Variants in BPIFA1 observed in about 807,000 individuals in gnomAD.
The protein encoded by BPIFA1 is BPI fold containing family A member 1.
A neutral mutation model predicts 25.1 loss-of-function variants in BPIFA1; 24 were observed. The observed-to-expected ratio is 0.96, with a 90% CI of 0.69 to 1.35. BPIFA1 has a LOEUF of 1.35. BPIFA1 is among the 40% of genes most tolerant of loss of function. The probability of loss-of-function intolerance (pLI) is 0.00; values close to 1 mark genes in which losing one functional copy is unlikely to be tolerated. For synonymous variants in BPIFA1, 139 were observed against 131.8 expected, an observed-to-expected ratio of 1.05 and a Z score of -0.37; for missense variants, 344 against 303.7, an observed-to-expected ratio of 1.13 and a Z score of -0.99.
chr20:33,239,070 C>T (rs1298087686), intron 3 of BPIFA1, among the ~76,000 whole-genome samples: 1 of 152,180 alleles, frequency 6.6e-6, no homozygotes, highest in African/African-American at 2.4e-5. Flanking sequence ...TCACCTGGCG[C>T]AGTGGCTGGC....
intron 5 of BPIFA1, among the ~76,000 whole-genome samples, chr20:33,240,710 T>C (rs1288888641): frequency 6.6e-6 from 1 of 152,034 alleles, no homozygotes; most frequent in Non-Finnish European, 1.5e-5. Context: ...TATTCCTTCT[T>C]AGACCAAGCT....
intron 3 of BPIFA1, among the ~76,000 whole-genome samples, chr20:33,238,585 C>G (rs368448314): frequency 2.1e-4 from 32 of 152,314 alleles, no homozygotes; most frequent in African/African-American, 6.5e-4. Flanking sequence ...TATCCTAACT[C>G]CAAAGCCAAG....
intron 3 of BPIFA1, among the ~76,000 whole-genome samples, chr20:33,239,251 C>T (rs1221077729): frequency 6.6e-6 from 1 of 152,190 alleles, no homozygotes; most frequent in Non-Finnish European, 1.5e-5. Flanking sequence ...ACTTCCTGCT[C>T]CTCAATTCCC....
chr20:33,237,707 C>A lies in BPIFA1; in HGVS notation c.-5C>A. 6.9e-7 allele frequency: 1 copy of A among 1,459,578 alleles called. No individual in the cohort carries two copies. Among genetic ancestry groups the A allele is most frequent in the Non-Finnish European group, 9.1e-7 (1 of 1,102,580 alleles). 90.4% of individuals were successfully genotyped at this position (1,459,578 alleles called of 1,614,324 possible). A position where few individuals can be genotyped will look rare whatever the true frequency, so the allele number is the denominator to read the frequency against. On this transcript the variant is annotated 5_prime_UTR_variant, in exon 2 of 9. Transcript: ENST00000354297. The stretch of plus-strand genomic sequence containing the variant: ...TCATTCTGGCCACAGATACTAAGAG[C>A]AAAGATGTTTCAAACTGGGGGCCTC...
In BPIFA1 at chr20:33,241,458, G is replaced by T; in HGVS notation, c.655G>T (p.Val219Phe). The T allele has an allele frequency of 6.2e-7, 1 of 1,613,550 alleles. No homozygotes were observed. The highest frequency in any genetic ancestry group is 8.5e-7 in the Non-Finnish European group (1 of 1,179,460). ...CTTGAATAAAGTCCTGCCTGAGTTG[G>T]TTCAGGGCAACGTAAGTAGGCAAGG... is the stretch of plus-strand genomic sequence containing the variant. ...GILNKVLPELVQGNVCPLVNE... is the reference protein window; with the variant it reads ...GILNKVLPELFQGNVCPLVNE... The change falls in exon 6 of 9, where the codon GTT becomes TTT. Residue 219 changes from valine to phenylalanine, a missense_variant. By Grantham distance (50) the Val-to-Phe change is conservative. Transcript: ENST00000354297.
At position 33,242,115 on chromosome 20, in the gene BPIFA1, T is replaced by A; in HGVS notation, c.726T>A (p.Ile242=). 1 of 1,614,016 alleles carries A rather than the reference T, an allele frequency of 6.2e-7. No individual in the cohort carries two copies. Among genetic ancestry groups the A allele is most frequent in the Non-Finnish European group, 8.5e-7 (1 of 1,179,898 alleles). The change falls in exon 7 of 9, where the codon ATT becomes ATA. Residue 242 remains isoleucine (I), a synonymous_variant. Coordinates refer to ENST00000354297, the MANE Select transcript of BPIFA1 (RefSeq NM_130852.3). ...RGLDITLVHD[I]VNMLIHGLQF... is the part of the protein sequence containing the mutation. Reference sequence around the variant, plus strand: ...TGGACATCACCCTGGTGCATGACATTGTTAGTAAGTACCTGCTTTCAAGCC... The same window carrying A: ...TGGACATCACCCTGGTGCATGACATAGTTAGTAAGTACCTGCTTTCAAGCC...
At position 33,242,063 on chromosome 20, in the gene BPIFA1, C is replaced by G. The variant is rs369749577; in HGVS notation, c.674C>G (p.Pro225Arg). 1.2e-6 allele frequency: 2 copies of G among 1,614,046 alleles called. No homozygotes were observed. Among genetic ancestry groups the G allele is most frequent in the Non-Finnish European group, 1.7e-6 (2 of 1,180,000 alleles). Residue 225 changes from proline to arginine, a missense_variant, in exon 7 of 9, where the codon CCT (proline) becomes CGT (arginine). Physicochemically the swap from Pro to Arg is moderately radical, Grantham distance 103. Coordinates refer to ENST00000354297, the MANE Select transcript of BPIFA1 (RefSeq NM_130852.3). ...LPELVQGNVC[P>R]LVNEVLRGLD... Reference sequence around the variant, plus strand: ...CTCTCTGCCCCTGGCCAGGTGTGCCCTCTGGTCAATGAGGTTCTCAGAGGC... The same window carrying G: ...CTCTCTGCCCCTGGCCAGGTGTGCCGTCTGGTCAATGAGGTTCTCAGAGGC...
chr20:33,242,222 C>A, intron 7 of BPIFA1, 103 bp downstream of exon 7: 1 of 1,216,528 alleles, frequency 8.2e-7, no homozygotes, highest in African/African-American at 1.5e-5. Flanking sequence ...TCCCTCTGGC[C>A]TCAACTCTCT....
chr20:33,239,558 C>G (rs1286477546), intron 3 of BPIFA1, among the ~76,000 whole-genome samples: 2 of 152,166 alleles, frequency 1.3e-5, no homozygotes, highest in Non-Finnish European at 2.9e-5. Context: ...TCCTGAATAC[C>G]TCATAGACTG....
intron 6 of BPIFA1, among the ~76,000 whole-genome samples, 159 bp from the exon 7 acceptor site, chr20:33,241,897 C>A (rs576577379): frequency 2.0e-5 from 3 of 152,176 alleles, no homozygotes; most frequent in Non-Finnish European, 4.4e-5. Flanking sequence ...CTCATGCCTC[C>A]AGTTTCTCCT....
chr20:33,237,699 A>G lies in BPIFA1; in HGVS notation c.-13A>G. The stretch of plus-strand genomic sequence containing the variant: ...TGGACTTGTCATTCTGGCCACAGAT[A>G]CTAAGAGCAAAGATGTTTCAAACTG... On this transcript the variant is annotated splice_region_variant and 5_prime_UTR_variant, in exon 2 of 9. It adds an upstream start codon to the 5' untranslated region. Coordinates refer to ENST00000354297, the MANE Select transcript of BPIFA1 (RefSeq NM_130852.3). 6.9e-7 allele frequency: 1 copy of G among 1,446,066 alleles called. No homozygotes were observed. Among genetic ancestry groups the G allele is most frequent in the Non-Finnish European group, 9.1e-7 (1 of 1,095,660 alleles). The allele number at this position is 1,446,066 out of a possible 1,614,324, so 89.6% of individuals were successfully genotyped here.
chr20:33,239,889 G>T lies in BPIFA1; in HGVS notation c.407G>T (p.Gly136Val), dbSNP rs138917166. Residue 136 changes from glycine (G) to valine (V), a missense_variant, in exon 4 of 9, where the codon GGC becomes GTC. Coordinates refer to ENST00000354297, the MANE Select transcript of BPIFA1 (RefSeq NM_130852.3). ...GHRLYVTIPLGIKLQVNTPLV... is the reference protein window; with the variant it reads ...GHRLYVTIPLVIKLQVNTPLV... ...CGTCTCTATGTCACCATCCCTCTCG[G>T]CATAAAGCTCCAAGTGAATACGTGA... The T allele has an allele frequency of 6.2e-7, 1 of 1,614,068 alleles. No individual in the cohort carries two copies. The highest frequency in any genetic ancestry group is 1.3e-5 in the African/African-American group (1 of 75,046).
chr20:33,237,277 A>T (rs1048327864), intron 1 of BPIFA1, among the ~76,000 whole-genome samples: 1 of 152,218 alleles, frequency 6.6e-6, no homozygotes, highest in South Asian at 2.1e-4. Flanking sequence ...GAAACTCCCA[A>T]CTGCAAACTC....
At chr20:33,240,428 G>C in intron 5 of BPIFA1, 43 bp downstream of exon 5, 2 of 1,605,220 alleles carry the variant, frequency 1.2e-6, no homozygotes, top group South Asian at 1.1e-5. Flanking sequence ...AGATGACAGG[G>C]TGTGATGCCG....
intron 3 of BPIFA1, among the ~76,000 whole-genome samples, chr20:33,238,752 G>A (rs752699536): frequency 1.4e-4 from 21 of 152,182 alleles, no homozygotes; most frequent in Admixed American, 3.3e-4. Flanking sequence ...GTCTAACGTG[G>A]AGTTTCCCAT....
At chr20:33,241,257 G>A (rs1978964232) in intron 5 of BPIFA1, 128 bp from the exon 6 acceptor site, 1 of 847,528 alleles carries the variant, frequency 1.2e-6, no homozygotes, top group Non-Finnish European at 2.0e-6. Context: ...CCTGCACGTG[G>A]GTGTAGATAG....
chr20:33,242,782 C>T (rs1240735902), intron 8 of BPIFA1, among the ~76,000 whole-genome samples: 1 of 152,146 alleles, frequency 6.6e-6, no homozygotes, highest in Non-Finnish European at 1.5e-5. Context: ...CACACAAATG[C>T]CCAGACACAT....
At chr20:33,242,904 TATGCAC>T (rs1158771881) in intron 8 of BPIFA1, among the ~76,000 whole-genome samples, 197 bp from the exon 9 acceptor site, 2 of 151,842 alleles carry the variant, frequency 1.3e-5, no homozygotes, top group Non-Finnish European at 2.9e-5. Flanking sequence ...CCCTCACACA[TATGCAC>T]ACATCAGTGG....
intron 8 of BPIFA1, among the ~76,000 whole-genome samples, chr20:33,242,823 A>T (rs546549850): frequency 6.6e-6 from 1 of 152,166 alleles, no homozygotes; most frequent in African/African-American, 2.4e-5. Flanking sequence ...ACACTCTCAC[A>T]CCAGCACACT....
Sources: allele counts gnomAD v4.1 joint callset (sites outside exome capture counted in the v4.1 genomes callset), GRCh38; gene constraint gnomAD v4.1.1; transcripts MANE v1.5; gene names NCBI Gene and HGNC (gene_info 2026-07-23, HGNC 2026-07-21).